The following CSF2RA variants were observed in gnomAD, a reference collection of about 807,000 sequenced individuals.
CSF2RA encodes colony stimulating factor 2 receptor subunit alpha, also known as granulocyte-macrophage colony-stimulating factor receptor subunit alpha.
In CSF2RA, 42 loss-of-function variants were observed where a neutral mutation model predicts 51.6. The ratio of observed to expected loss-of-function variants is 0.81; its 90% confidence interval spans 0.64 to 1.05. The LOEUF (loss-of-function observed/expected upper bound fraction) is 1.05, where lower values mean the gene tolerates loss of function less well. Among genes scored for constraint, CSF2RA ranks in the 50% least tolerant of loss-of-function variants. CSF2RA has a pLI of 0.00. For missense variants in CSF2RA, 530 were observed against 501.1 expected (o/e 1.06, Z -0.55); for synonymous variants, 222 against 193.0 (o/e 1.15, Z -1.24).
At chrX:1,280,074 G>A (rs1408101959) in intron 2 of CSF2RA, among the ~76,000 whole-genome samples, 4 of 152,048 alleles carry the variant, frequency 2.6e-5, no homozygotes, top group Non-Finnish European at 4.4e-5. Context: ...ACAGGCGTGA[G>A]CCACTGTGCC....
At chrX:1,315,767 G>T in the CSF2RA span, among the ~76,000 whole-genome samples, 1 of 129,118 alleles carries the variant, frequency 7.7e-6, no homozygotes, top group Non-Finnish European at 1.6e-5. Flanking sequence ...AGATAAAATA[G>T]ATAATAGATA....
At chrX:1,272,726 G>C (rs1178342955) in intron 1 of CSF2RA, among the ~76,000 whole-genome samples, 2 of 149,760 alleles carry the variant, frequency 1.3e-5, no homozygotes, top group African/African-American at 4.9e-5. Context: ...CCTGACCTCA[G>C]GTGATCCAAC....
chrX:1,306,512 T>A (rs1163244142), intron 12 of CSF2RA, among the ~76,000 whole-genome samples: 1 of 151,748 alleles, frequency 6.6e-6, no homozygotes, highest in Non-Finnish European at 1.5e-5. Flanking sequence ...CCAGGTGTGG[T>A]GGCGCACACC....
chrX:1,290,367 C>T lies in CSF2RA; in HGVS notation c.504C>T (p.Tyr168=). 1 of 1,613,616 alleles carries T rather than the reference C, an allele frequency of 6.2e-7. No individual in the cohort carries two copies. Among genetic ancestry groups the T allele is most frequent in the Non-Finnish European group, 8.5e-7 (1 of 1,179,612 alleles). Residue 168 remains tyrosine (Y), a synonymous_variant, in exon 7 of 13, where the codon TAC becomes TAT. Transcript: ENST00000381529. ...GGAGGGAGATCCGGTGTCCTTATTACATACAAGACTCAGGAACCCATGTGG... is the reference window on the plus strand; with the variant it reads ...GGAGGGAGATCCGGTGTCCTTATTATATACAAGACTCAGGAACCCATGTGG... The part of the protein sequence containing the change: ...KRRREIRCPY[Y]IQDSGTHVGC...
rs28652662 is a variant in CSF2RA, at chrX:1,288,208, A to G, written c.220-311A>G. 0.51 allele frequency among the ~76,000 whole-genome samples: 77,557 copies of G among 150,782 alleles called. 20,085 individuals carry two copies. Among genetic ancestry groups the G allele is most frequent in the East Asian group, 0.66 (3,293 of 5,006 alleles). The stretch of plus-strand genomic sequence containing the variant: ...GTAAAAACCAATACCATGGCCGGGC[A>G]TGGTGGCTCACGCCTGTAATCCCAG... On this transcript the variant is annotated intron_variant, in intron 4 of 12. Coordinates refer to ENST00000381529, the MANE Select transcript of CSF2RA (RefSeq NM_172245.4).
the CSF2RA span, among the ~76,000 whole-genome samples, chrX:1,321,574 C>CAA: frequency 0.01 from 1,150 of 114,234 alleles, 13 homozygotes; most frequent in African/African-American, 0.032. Flanking sequence ...GACTCCATCT[C>CAA]AAAAAAAAAA....
chrX:1,324,501 G>A, the CSF2RA span, among the ~76,000 whole-genome samples: 4 of 120,028 alleles, frequency 3.3e-5, no homozygotes, highest in Non-Finnish European at 6.8e-5. Context: ...GGGAGGGGAG[G>A]GAAGGAGGAG....
At chrX:1,288,281 AG>A (rs2090998470) in intron 4 of CSF2RA, among the ~76,000 whole-genome samples, 1 of 146,198 alleles carries the variant, frequency 6.8e-6, no homozygotes, top group Non-Finnish European at 1.5e-5. Flanking sequence ...CAGGAGTTTG[AG>A]ACCAGCCTGG....
chrX:1,286,056 T>C, intron 4 of CSF2RA, 136 bp downstream of exon 4: 1 of 910,352 alleles, frequency 1.1e-6, no homozygotes. Context: ...GCGGATCACC[T>C]GAGGTCGGGA....
At chrX:1,312,907 G>A (rs1439870731), downstream of CSF2RA, among the ~76,000 whole-genome samples, 10 of 152,118 alleles carry the variant, frequency 6.6e-5, no homozygotes, top group South Asian at 2.1e-4. Context: ...TTGGGGAAGA[G>A]ATGGAGCCAG....
At chrX:1,304,605 C>T (rs1330545327) in intron 11 of CSF2RA, among the ~76,000 whole-genome samples, 5 of 151,378 alleles carry the variant, frequency 3.3e-5, no homozygotes, top group Admixed American at 1.3e-4. Context: ...GCCTTGATCC[C>T]ACTAGCCTTG....
chrX:1,285,438 T>C (rs1414246122), intron 3 of CSF2RA, among the ~76,000 whole-genome samples: 14 of 151,014 alleles, frequency 9.3e-5, no homozygotes, highest in Admixed American at 2.0e-4. Flanking sequence ...TCACGCCTGT[T>C]ATCCCAGCAC....
chrX:1,269,384 A>G (rs28501473), intron 1 of CSF2RA, among the ~76,000 whole-genome samples: 45,248 of 151,344 alleles, frequency 0.3, 7,488 homozygotes, highest in East Asian at 0.56. Context: ...ACTTTGGGAG[A>G]CTGAGGCGGG....
chrX:1,286,217 G>C lies in CSF2RA; in HGVS notation c.219+297G>C, dbSNP rs761832850. Among the ~76,000 whole-genome samples the C allele has an allele frequency of 2.5e-4, 38 of 152,212 alleles. No homozygotes were observed. In the South Asian group the frequency reaches 7.5e-3, roughly 30 times the overall value. ...GAACCCGGGAGGTGGAAGTTGCAGT[G>C]AGTCGAGCTCGTGCCATTGCACTCC... On this transcript the variant is annotated intron_variant, in intron 4 of 12. Coordinates refer to ENST00000381529, the MANE Select transcript of CSF2RA (RefSeq NM_172245.4).
At chrX:1,321,637 G>A in the CSF2RA span, among the ~76,000 whole-genome samples, 7 of 151,364 alleles carry the variant, frequency 4.6e-5, no homozygotes, top group Admixed American at 1.3e-4. Context: ...AACTTAAACA[G>A]TGACCATCAC....
the CSF2RA span, among the ~76,000 whole-genome samples, chrX:1,323,162 A>AAAT: frequency 3.5e-5 from 5 of 144,306 alleles, no homozygotes; most frequent in Admixed American, 2.7e-4. Flanking sequence ...TACAATTATA[A>AAAT]AATAAAATAA....
chrX:1,322,899 A>G, the CSF2RA span, among the ~76,000 whole-genome samples: 2,267 of 147,578 alleles, frequency 0.015, 53 homozygotes, highest in African/African-American at 0.054. Flanking sequence ...GGAGGCCAAG[A>G]CAGGCAGATC....
rs1254949954 is a variant in CSF2RA at position 1,304,038 on chromosome X, G to T, written c.1043+19G>T. ...TTAAAAGGTAACCTGTGAAACACCT[G>T]GGCCTCCCCAATGAAAACAGGCCAG... On this transcript the variant is annotated intron_variant, in intron 11 of 12. Transcript: ENST00000381529. 1 of 1,601,886 alleles carries T rather than the reference G, an allele frequency of 6.2e-7. No homozygotes were observed. Among genetic ancestry groups the T allele is most frequent in the Non-Finnish European group, 8.5e-7 (1 of 1,170,782 alleles).
chrX:1,295,435 G>C lies in CSF2RA; in HGVS notation c.789G>C (p.Gln263His), dbSNP rs759171777. The C allele has an allele frequency of 1.9e-5, 30 of 1,613,380 alleles. No homozygotes were observed. The highest frequency in any genetic ancestry group is 2.3e-5 in the Non-Finnish European group (27 of 1,179,596). ...TTTTGTTTTGTTTCTAGAATACCCA[G>C]CCTGGCACGGAAAACCTACTGGTAA... The part of the protein sequence containing the change: ...YQLDVHRKNT[Q>H]PGTENLLINV... The change falls in exon 9 of 13, where the codon CAG (glutamine) becomes CAC (histidine). Residue 263 changes from glutamine (Q) to histidine (H), a missense_variant. Physicochemically the swap from Gln to His is conservative, Grantham distance 24. Transcript: ENST00000381529.
Sources: gnomAD v4.1 joint callset for allele counts (sites outside exome capture counted in the v4.1 genomes callset) on GRCh38, gnomAD v4.1.1 for gene constraint, MANE v1.5 for transcripts, NCBI Gene and HGNC (gene_info 2026-07-23, HGNC 2026-07-21) for gene names.